The following HERC4 variants were observed in gnomAD, a reference collection of about 807,000 sequenced individuals.
HERC4 encodes the protein HECT and RLD domain containing E3 ubiquitin protein ligase 4.
Under a neutral mutation model 124.3 loss-of-function variants are expected in HERC4, and 28 were observed. The ratio of observed to expected loss-of-function variants is 0.23; its 90% CI spans 0.17 to 0.31. HERC4 has a LOEUF of 0.31. Among genes scored for constraint, HERC4 ranks in the 10% least tolerant of loss-of-function variants. The pLI is 1.00. For missense variants in HERC4, 713 were observed against 1,229.3 expected (o/e 0.58, Z 6.28); for synonymous variants, 407 against 421.5 (o/e 0.97, Z 0.42).
At position 67,992,623 on chromosome 10, in the gene HERC4, G is replaced by A. The variant is rs547207335; in HGVS notation, c.1129C>T (p.His377Tyr). ...IFSGGDQSFS[H>Y]YSSPQNCGPP... is the part of the protein sequence containing the mutation. ...ATTATTACCTGGGGACTAGAGTAAT[G>A]TGAAAAGCTTTGATCTCCCCCTGAG... The change falls in exon 10 of 25, where the codon CAT becomes TAT. Residue 377 changes from histidine (H) to tyrosine (Y), a missense_variant. Physicochemically the swap from His to Tyr is moderately conservative, Grantham distance 83 (BLOSUM62 2). Coordinates refer to ENST00000373700, the MANE Select transcript of HERC4 (RefSeq NM_015601.4). 5.2e-6 allele frequency: 8 copies of A among 1,534,010 alleles called. No individual in the cohort carries two copies. The South Asian group carries it at 6.9e-5, about 13-fold the overall frequency.
At chr10:67,962,932 C>T (rs953430884) in intron 16 of HERC4, among the ~76,000 whole-genome samples, 1 of 152,186 alleles carries the variant, frequency 6.6e-6, no homozygotes, top group African/African-American at 2.4e-5. Context: ...CCAGAAATTA[C>T]TCTAAGTCCT....
At chr10:68,001,553 T>A (rs1468637586) in intron 9 of HERC4, among the ~76,000 whole-genome samples, 1 of 152,104 alleles carries the variant, frequency 6.6e-6, no homozygotes, top group African/African-American at 2.4e-5. Context: ...GCAAAAAGAT[T>A]ATCAATTTTT....
chr10:68,052,856 A>G (rs1049449876), intron 3 of HERC4, among the ~76,000 whole-genome samples: 2 of 152,182 alleles, frequency 1.3e-5, no homozygotes, highest in Non-Finnish European at 2.9e-5. Context: ...AGAGTGAAAA[A>G]TTCTATATTC....
chr10:68,017,322 C>T (rs1452860784), intron 8 of HERC4, among the ~76,000 whole-genome samples: 5 of 152,112 alleles, frequency 3.3e-5, no homozygotes, highest in Non-Finnish European at 7.4e-5. Context: ...CAGAACTGCC[C>T]CAGTCAATCT....
intron 8 of HERC4, among the ~76,000 whole-genome samples, chr10:68,014,757 G>C (rs535977600): frequency 1.3e-5 from 2 of 152,282 alleles, no homozygotes; most frequent in Admixed American, 6.5e-5. Flanking sequence ...AGAAACCACA[G>C]ATCTGAAGCT....
Position 67,955,074 on chromosome 10 carries a change from A to T in HERC4, c.2082T>A (p.Ile694=), listed in dbSNP as rs375797323. The T allele has an allele frequency of 1.1e-5, 17 of 1,594,902 alleles. No individual in the cohort carries two copies. The highest frequency in any genetic ancestry group is 1.4e-5 in the Non-Finnish European group (17 of 1,172,972). ...GAATTAAGCAGGGATTCACAGATTCAATCACTGGGAGAAAAAGAGAGGAGA... is the reference window on the plus strand; with the variant it reads ...GAATTAAGCAGGGATTCACAGATTCTATCACTGGGAGAAAAAGAGAGGAGA... The part of the protein sequence containing the change: ...QNVSSLFLPV[I]ESVNPCLILV... Residue 694 remains isoleucine (I), a synonymous_variant, in exon 18 of 25, where the codon ATT becomes ATA. Coordinates refer to ENST00000373700, the MANE Select transcript of HERC4 (RefSeq NM_015601.4).
chr10:67,962,241 T>C (rs1024189922), intron 16 of HERC4, among the ~76,000 whole-genome samples: 1 of 150,876 alleles, frequency 6.6e-6, no homozygotes, highest in African/African-American at 2.4e-5. Flanking sequence ...AAAAAGCCTA[T>C]AAAAATTTAT....
chr10:68,040,709 T>C (rs1021592065), intron 4 of HERC4, among the ~76,000 whole-genome samples: 1 of 151,686 alleles, frequency 6.6e-6, no homozygotes, highest in Non-Finnish European at 1.5e-5. Context: ...GCCAAAATGG[T>C]GAAACCCCGT....
At chr10:67,931,588 T>A (rs1349231493) in intron 23 of HERC4, among the ~76,000 whole-genome samples, 2 of 151,304 alleles carry the variant, frequency 1.3e-5, no homozygotes, top group Non-Finnish European at 3.0e-5. Context: ...CCACACCCGA[T>A]TAATTTTTGT....
Position 67,923,117 on chromosome 10 carries a change from G to A in HERC4, c.2964C>T (p.Arg988=), listed in dbSNP as rs1447427391. ...GACTCTTCATACCAAGAATAGGAATGCGATCACTACCTGTCAAAAATACTG... is the reference window on the plus strand; with the variant it reads ...GACTCTTCATACCAAGAATAGGAATACGATCACTACCTGTCAAAAATACTG... ...QFLLFLTGSD[R]IPILGMKSLK... is the part of the protein sequence containing the mutation. Residue 988 remains arginine, a synonymous_variant, in exon 25 of 25, where the codon CGC becomes CGT. Transcript: ENST00000373700. The A allele has an allele frequency of 3.1e-6, 5 of 1,613,398 alleles. No individual in the cohort carries two copies. Among genetic ancestry groups the A allele is most frequent in the African/African-American group, 2.7e-5 (2 of 74,920 alleles).
chr10:67,980,167 A>G (rs967489094), intron 15 of HERC4, among the ~76,000 whole-genome samples: 1 of 152,038 alleles, frequency 6.6e-6, no homozygotes, highest in Non-Finnish European at 1.5e-5. Flanking sequence ...GCTGGAGTGC[A>G]ATGGCGCGAT....
chr10:67,952,256 C>A (rs1206740425), intron 19 of HERC4, among the ~76,000 whole-genome samples: 2 of 152,186 alleles, frequency 1.3e-5, no homozygotes, highest in Admixed American at 1.3e-4. Flanking sequence ...TGATTAAAAT[C>A]AACTGTTGCT....
chr10:67,996,646 G>C (rs1366693602), intron 9 of HERC4, among the ~76,000 whole-genome samples: 1 of 152,040 alleles, frequency 6.6e-6, no homozygotes. Context: ...GCAATATTGA[G>C]TGCATTACAT....
At chr10:68,013,448 G>T (rs181067690) in intron 9 of HERC4, among the ~76,000 whole-genome samples, 1 of 150,796 alleles carries the variant, frequency 6.6e-6, no homozygotes, top group Admixed American at 6.6e-5. Flanking sequence ...CCTTGAGGAC[G>T]TTATGCTTAG....
intron 15 of HERC4, among the ~76,000 whole-genome samples, chr10:67,974,585 G>A (rs1589225635): frequency 6.6e-6 from 1 of 152,170 alleles, no homozygotes; most frequent in African/African-American, 2.4e-5. Context: ...TAAAACTTAA[G>A]AGATATTGCC....
intron 15 of HERC4, among the ~76,000 whole-genome samples, chr10:67,986,783 G>A (rs932373302): frequency 6.6e-6 from 1 of 152,092 alleles, no homozygotes; most frequent in Non-Finnish European, 1.5e-5. Context: ...CACAGTGGTA[G>A]GAAGCAACAC....
chr10:67,930,101 C>T (rs1043291290), intron 23 of HERC4, among the ~76,000 whole-genome samples: 5 of 151,772 alleles, frequency 3.3e-5, no homozygotes, highest in South Asian at 2.1e-4. Flanking sequence ...CCACCGCGCC[C>T]GGCCCAGCTG....
intron 19 of HERC4, among the ~76,000 whole-genome samples, chr10:67,946,396 C>CACACACACACACACAA (rs920956046): frequency 2.1e-5 from 3 of 142,166 alleles, no homozygotes; most frequent in African/African-American, 8.0e-5. Context: ...CACACACACA[C>CACACACACACACACAA]AAGACCCAAT....
chr10:67,990,451 T>TTA, intron 13 of HERC4, 51 bp from the exon 14 acceptor site: 1 of 598,970 alleles, frequency 1.7e-6, no homozygotes. Context: ...GAATACACTT[T>TTA]CAAAGAAAAA....
Sources: allele counts gnomAD v4.1 joint callset (sites outside exome capture counted in the v4.1 genomes callset), GRCh38; gene constraint gnomAD v4.1.1; transcripts MANE v1.5; gene names NCBI Gene and HGNC (gene_info 2026-07-23, HGNC 2026-07-21).